Variants in ENOX1 observed in about 807,000 individuals in gnomAD.
ENOX1 encodes candidate growth-related and time keeping constitutive hydroquinone (NADH) oxidase.
ENOX1 carries 42 observed loss-of-function variants against 82.5 expected under a neutral mutation model. The observed-to-expected ratio is 0.51, with a 90% CI of 0.40 to 0.66. ENOX1 has a LOEUF of 0.66. Ranked by LOEUF, ENOX1 falls within the 30% of genes least tolerant of loss-of-function variation. ENOX1 has a pLI of 0.00. For missense variants in ENOX1, 608 were observed against 811.6 expected, an observed-to-expected ratio of 0.75 and a Z score of 3.05; for synonymous variants, 271 against 282.2, an observed-to-expected ratio of 0.96 and a Z score of 0.40.
intron 2 of ENOX1, among the ~76,000 whole-genome samples, chr13:43,604,235 G>A (rs1224430799): frequency 6.9e-6 from 1 of 145,178 alleles, no homozygotes; most frequent in African/African-American, 2.5e-5. Flanking sequence ...TGATGGGGTT[G>A]TTTTTTTCTT....
intron 2 of ENOX1, among the ~76,000 whole-genome samples, chr13:43,665,562 A>G (rs976663211): frequency 2.6e-5 from 4 of 152,134 alleles, no homozygotes; most frequent in South Asian, 2.1e-4. Context: ...TAGCCTGGCT[A>G]AGTATGATTT....
intron 1 of ENOX1, among the ~76,000 whole-genome samples, chr13:43,733,068 C>T (rs1486221278): frequency 1.3e-5 from 2 of 152,138 alleles, no homozygotes; most frequent in East Asian, 3.8e-4. Context: ...TCCCTCCATA[C>T]CTGGTGAAGG....
intron 5 of ENOX1, among the ~76,000 whole-genome samples, chr13:43,397,179 A>T (rs1433250027): frequency 2.0e-5 from 3 of 152,252 alleles, no homozygotes; most frequent in African/African-American, 7.2e-5. Context: ...GGATGAAATC[A>T]TCGTTTTCCT....
chr13:43,725,904 C>G (rs1393043882), intron 1 of ENOX1, among the ~76,000 whole-genome samples: 1 of 151,572 alleles, frequency 6.6e-6, no homozygotes, highest in African/African-American at 2.4e-5. Context: ...GAGGTGGAGG[C>G]TGCAGTGAGC....
intron 2 of ENOX1, among the ~76,000 whole-genome samples, chr13:43,665,187 T>A (rs893799974): frequency 6.6e-6 from 1 of 152,188 alleles, no homozygotes; most frequent in African/African-American, 2.4e-5. Context: ...GATCTGACCC[T>A]GGACTTTCAC....
intron 2 of ENOX1, among the ~76,000 whole-genome samples, chr13:43,620,985 T>C (rs1305495462): frequency 3.3e-5 from 5 of 152,214 alleles, no homozygotes; most frequent in Non-Finnish European, 1.5e-5. Context: ...ACAAGGACTT[T>C]TACCATTATA....
At chr13:43,301,107 T>A (rs2046551458) in intron 11 of ENOX1, among the ~76,000 whole-genome samples, 1 of 152,244 alleles carries the variant, frequency 6.6e-6, no homozygotes. Flanking sequence ...TGGCACTGCA[T>A]AGGCACATTA....
At chr13:43,680,776 T>G (rs1472882606) in intron 1 of ENOX1, among the ~76,000 whole-genome samples, 2 of 152,118 alleles carry the variant, frequency 1.3e-5, no homozygotes, top group African/African-American at 4.8e-5. Flanking sequence ...ATACAACCCA[T>G]GAACTATTTT....
intron 10 of ENOX1, among the ~76,000 whole-genome samples, chr13:43,323,659 TTC>T (rs2047939937): frequency 6.6e-6 from 1 of 152,262 alleles, no homozygotes; most frequent in Admixed American, 6.5e-5. Flanking sequence ...GCCTCCATTA[TTC>T]TTTTTCCCTC....
chr13:43,229,753 G>C (rs957829028), intron 15 of ENOX1, among the ~76,000 whole-genome samples: 8 of 152,188 alleles, frequency 5.3e-5, no homozygotes, highest in Admixed American at 2.6e-4. Flanking sequence ...ACTCCAAAGG[G>C]AGAGCCAGGG....
At chr13:43,771,620 GT>G (rs1420134613) in intron 1 of ENOX1, among the ~76,000 whole-genome samples, 1 of 152,156 alleles carries the variant, frequency 6.6e-6, no homozygotes. Context: ...GTAACAGTGG[GT>G]TTAGAAATAT....
chr13:43,633,921 G>A (rs2083316658), intron 2 of ENOX1, among the ~76,000 whole-genome samples: 1 of 151,952 alleles, frequency 6.6e-6, no homozygotes, highest in African/African-American at 2.4e-5. Context: ...GCACATAAAT[G>A]TAATCTTATA....
intron 1 of ENOX1, among the ~76,000 whole-genome samples, chr13:43,782,913 C>A (rs1445172589): frequency 6.6e-6 from 1 of 152,164 alleles, no homozygotes; most frequent in Non-Finnish European, 1.5e-5. Context: ...TTAGGTAACA[C>A]CTTTGGCAAG....
chr13:43,602,138 T>C (rs1051170322), intron 2 of ENOX1, among the ~76,000 whole-genome samples: 1 of 151,964 alleles, frequency 6.6e-6, no homozygotes, highest in East Asian at 1.9e-4. Context: ...TATGTAAGCA[T>C]AAGAGCAAAG....
At chr13:43,597,615 C>T (rs984163790) in intron 2 of ENOX1, among the ~76,000 whole-genome samples, 7 of 152,162 alleles carry the variant, frequency 4.6e-5, no homozygotes, top group African/African-American at 1.7e-4. Flanking sequence ...ATCTCTAGCC[C>T]TTTCTCTATT....
intron 9 of ENOX1, among the ~76,000 whole-genome samples, chr13:43,340,913 C>G (rs1191998196): frequency 6.6e-6 from 1 of 152,192 alleles, no homozygotes; most frequent in South Asian, 2.1e-4. Flanking sequence ...ATATTGATGT[C>G]TCTTCCTTTG....
chr13:43,407,095 GT>G (rs887469834), intron 5 of ENOX1, among the ~76,000 whole-genome samples: 29 of 152,290 alleles, frequency 1.9e-4, no homozygotes, highest in Middle Eastern at 6.8e-3. Flanking sequence ...AAGAAATTAA[GT>G]TATACAGGAA....
At chr13:43,495,457 T>C in intron 2 of ENOX1, among the ~76,000 whole-genome samples, 1 of 152,144 alleles carries the variant, frequency 6.6e-6, no homozygotes, top group East Asian at 1.9e-4. Context: ...TTCCTTTTGT[T>C]CAATGTAATG....
intron 1 of ENOX1, among the ~76,000 whole-genome samples, chr13:43,687,682 T>C (rs1474698577): frequency 2.0e-5 from 3 of 152,152 alleles, no homozygotes; most frequent in Non-Finnish European, 2.9e-5. Context: ...CCAAGCATGA[T>C]GGAGGCTGGA....
Sources: gnomAD v4.1 joint callset for allele counts (sites outside exome capture counted in the v4.1 genomes callset) on GRCh38, gnomAD v4.1.1 for gene constraint, MANE v1.5 for transcripts, NCBI Gene and HGNC (gene_info 2026-07-23, HGNC 2026-07-21) for gene names.